The following ELSPBP1 variants were observed in gnomAD, a reference collection of about 807,000 sequenced individuals.
ELSPBP1 encodes the protein epididymal sperm binding protein 1, also known as epididymal sperm-binding protein 1.
In ELSPBP1, 38 loss-of-function variants were observed where a neutral mutation model predicts 33.3. The observed-to-expected ratio is 1.14, with a 90% CI of 0.88 to 1.50. The LOEUF (loss-of-function observed/expected upper bound fraction) is 1.50. Among genes scored for constraint, ELSPBP1 ranks in the 40% most tolerant of loss-of-function variants. The pLI is 0.00. For synonymous variants in ELSPBP1, 85 were observed against 94.1 expected (o/e 0.90, Z 0.56); for missense variants, 267 against 263.5 (o/e 1.01, Z -0.09).
intron 4 of ELSPBP1, among the ~76,000 whole-genome samples, chr19:48,016,459 TCTTTCCTTCTTTCTTTCTTTC>T (rs1967135293): frequency 6.3e-5 from 3 of 47,760 alleles, no homozygotes; most frequent in African/African-American, 2.3e-4. Context: ...CTCTTTCTTT[TCTTTCCTTCTTTCTTTCTTTC>T]TTTCTTTCTT....
chr19:48,022,949 G>A (rs1251947490), intron 6 of ELSPBP1, among the ~76,000 whole-genome samples: 6 of 151,990 alleles, frequency 3.9e-5, no homozygotes, highest in African/African-American at 1.2e-4. Flanking sequence ...TACTCAGGAG[G>A]CTGAGGTCAG....
chr19:48,005,452 T>C (rs1381853855), intron 1 of ELSPBP1, among the ~76,000 whole-genome samples: 1 of 152,096 alleles, frequency 6.6e-6, no homozygotes, highest in African/African-American at 2.4e-5. Flanking sequence ...ACAGCAGATC[T>C]ACACTGGGGG....
At chr19:48,001,338 C>T (rs1437510059) in intron 1 of ELSPBP1, among the ~76,000 whole-genome samples, 3 of 127,830 alleles carry the variant, frequency 2.3e-5, no homozygotes, top group African/African-American at 8.5e-5. Flanking sequence ...TTACACCACA[C>T]CCAGCTAATT....
rs541935706 is a variant in ELSPBP1 at position 48,019,650 on chromosome 19, G to A, written c.356-69G>A. The A allele has an allele frequency of 2.6e-5, 39 of 1,487,950 alleles. 1 individual carries two copies. The African/African-American group carries it at 4.9e-4, about 19-fold the overall frequency. 92.2% of individuals were successfully genotyped at this position (1,487,950 alleles called of 1,614,324 possible). ...AATGGGATAAAGCGTGGCACAGTTTGTGTGTCATAAATGGAAGCTCTTTTC... is the reference window on the plus strand; with the variant it reads ...AATGGGATAAAGCGTGGCACAGTTTATGTGTCATAAATGGAAGCTCTTTTC... On this transcript the variant is annotated intron_variant, in intron 4 of 6. Transcript: ENST00000339841.
chr19:48,022,075 C>G, intron 5 of ELSPBP1, 95 bp from the exon 6 acceptor site: 4 of 1,206,902 alleles, frequency 3.3e-6, no homozygotes, highest in Non-Finnish European at 4.6e-6. Context: ...ACACTCAGCC[C>G]CAATTTGAAA....
At chr19:48,022,519 G>A (rs1967213078) in intron 6 of ELSPBP1, 185 bp downstream of exon 6, 1 of 465,532 alleles carries the variant, frequency 2.1e-6, no homozygotes, top group Non-Finnish European at 3.7e-6. Flanking sequence ...CCAGCAATGC[G>A]GGCTCCTGTT....
At chr19:47,997,940 G>A (rs1488989229) in intron 1 of ELSPBP1, among the ~76,000 whole-genome samples, 1 of 152,184 alleles carries the variant, frequency 6.6e-6, no homozygotes. Context: ...AGAGGTGATT[G>A]ATATCAGTGG....
At chr19:48,002,292 G>A (rs1966975811) in intron 1 of ELSPBP1, among the ~76,000 whole-genome samples, 1 of 152,158 alleles carries the variant, frequency 6.6e-6, no homozygotes, top group South Asian at 2.1e-4. Flanking sequence ...TGCCTGTCTG[G>A]ATCTTAGCAT....
chr19:48,008,587 C>T (rs1008895342), intron 1 of ELSPBP1, 64 bp from the exon 2 acceptor site: 1 of 1,155,222 alleles, frequency 8.7e-7, no homozygotes, highest in Non-Finnish European at 1.3e-6. Flanking sequence ...GACGTCAAAT[C>T]TAGGAGGTAA....
Position 48,010,014 on chromosome 19 carries a change from G to A in ELSPBP1, c.70+1277G>A, listed in dbSNP as rs2122309455. 2.6e-5 allele frequency among the ~76,000 whole-genome samples: 4 copies of A among 152,188 alleles called. No individual in the cohort carries two copies. In the South Asian group the frequency reaches 8.3e-4, roughly 32 times the overall value. On this transcript the variant is annotated intron_variant, in intron 2 of 6. Coordinates refer to ENST00000339841, the MANE Select transcript of ELSPBP1 (RefSeq NM_022142.5). ...TTTTTTGTTTGTTTGTTTTCTTTTG[G>A]CCAGGACAGGAAGTGACATTCATCC...
At chr19:48,020,720 C>G (rs1471777881) in intron 5 of ELSPBP1, among the ~76,000 whole-genome samples, 4 of 152,210 alleles carry the variant, frequency 2.6e-5, no homozygotes, top group African/African-American at 7.2e-5. Flanking sequence ...TGCTTCCACT[C>G]TGCCCTTCTT....
At chr19:48,010,341 C>G (rs1032483006) in intron 2 of ELSPBP1, among the ~76,000 whole-genome samples, 4 of 152,094 alleles carry the variant, frequency 2.6e-5, no homozygotes, top group Non-Finnish European at 4.4e-5. Context: ...GAGACCACAC[C>G]CACATACTTG....
At chr19:47,997,992 G>A (rs1274196804) in intron 1 of ELSPBP1, among the ~76,000 whole-genome samples, 1 of 152,170 alleles carries the variant, frequency 6.6e-6, no homozygotes, top group Non-Finnish European at 1.5e-5. Flanking sequence ...GTACATGTAT[G>A]TGCATGGGGA....
At chr19:48,022,827 G>C (rs1967216837) in intron 6 of ELSPBP1, among the ~76,000 whole-genome samples, 1 of 150,848 alleles carries the variant, frequency 6.6e-6, no homozygotes, top group Admixed American at 6.6e-5. Context: ...AAGGCAGGAG[G>C]ATCAGTTGAG....
intron 1 of ELSPBP1, among the ~76,000 whole-genome samples, chr19:48,007,180 C>T (rs755266366): frequency 2.0e-5 from 3 of 152,070 alleles, no homozygotes; most frequent in Non-Finnish European, 4.4e-5. Flanking sequence ...ATTGGACCCT[C>T]GTGGCCACCC....
rs141061967 is a variant in ELSPBP1, at chr19:48,024,276, G to C, written c.*8-676G>C. Among the ~76,000 whole-genome samples the C allele has an allele frequency of 9.9e-5, 15 of 152,186 alleles. No individual in the cohort carries two copies. The East Asian group carries it at 2.7e-3, about 27-fold the overall frequency. The stretch of plus-strand genomic sequence containing the variant: ...AGGTGGTGCAGAGGGTATTTCTAAA[G>C]GTGGTTATTTAAGCTTGAAAGATGT... On this transcript the variant is annotated intron_variant, in intron 6 of 6. Transcript: ENST00000339841.
At chr19:48,015,783 T>A (rs1334948173) in intron 3 of ELSPBP1, 110 bp from the exon 4 acceptor site, 5 of 1,033,694 alleles carry the variant, frequency 4.8e-6, no homozygotes, top group Non-Finnish European at 7.0e-6. Context: ...TAAAGTCTCT[T>A]CTGAACCTTA....
chr19:48,001,283 G>T (rs1269193006), intron 1 of ELSPBP1, among the ~76,000 whole-genome samples: 1 of 151,174 alleles, frequency 6.6e-6, no homozygotes, highest in Non-Finnish European at 1.5e-5. Flanking sequence ...AGATTCTCCT[G>T]CCTCAGCCTC....
Position 47,994,664 on chromosome 19 carries a change from C to G in ELSPBP1, c.-165C>G, listed in dbSNP as rs562944310. Reference sequence around the variant, plus strand: ...TCTGACAGTAACCACTGATGAAGAACCCTCCTTTGAGAAGCTGCCTTTGTG... The same window carrying G: ...TCTGACAGTAACCACTGATGAAGAAGCCTCCTTTGAGAAGCTGCCTTTGTG... On this transcript the variant is annotated 5_prime_UTR_variant, in exon 1 of 7. Coordinates refer to ENST00000339841, the MANE Select transcript of ELSPBP1 (RefSeq NM_022142.5). The G allele has an allele frequency of 6.6e-6, 1 of 152,398 alleles. No homozygotes were observed. Among genetic ancestry groups the G allele is most frequent in the South Asian group, 2.1e-4 (1 of 4,822 alleles). The allele number at this position is 152,398 out of a possible 1,614,324, so 9.4% of individuals were successfully genotyped here. A position where few individuals can be genotyped will look rare whatever the true frequency, so the allele number is the denominator to read the frequency against.
Sources: allele counts gnomAD v4.1 joint callset (sites outside exome capture counted in the v4.1 genomes callset), GRCh38; gene constraint gnomAD v4.1.1; transcripts MANE v1.5; gene names NCBI Gene and HGNC (gene_info 2026-07-23, HGNC 2026-07-21).